Variants in SKAP1 observed in about 807,000 individuals in gnomAD.
The protein encoded by SKAP1 is src kinase-associated phosphoprotein 1.
In SKAP1, 44 loss-of-function variants were observed where a neutral mutation model predicts 58.5. The observed-to-expected ratio is 0.75, with a 90% CI of 0.59 to 0.97. The LOEUF (loss-of-function observed/expected upper bound fraction) is 0.97. Among genes scored for constraint, SKAP1 ranks in the 50% least tolerant of loss-of-function variants. The pLI, the probability that SKAP1 is intolerant of heterozygous loss-of-function variation, is 0.00. For missense variants in SKAP1, 390 were observed against 435.2 expected (o/e 0.90, Z 0.92); for synonymous variants, 127 against 149.7 (o/e 0.85, Z 1.11).
upstream of SKAP1, among the ~76,000 whole-genome samples, chr17:48,430,587 C>T (rs1447590197): frequency 6.6e-6 from 1 of 152,178 alleles, no homozygotes; most frequent in Admixed American, 6.5e-5. Context: ...AGATCCCCGT[C>T]AAGCATAGCA....
At chr17:48,272,618 C>A (rs113406753) in intron 4 of SKAP1, among the ~76,000 whole-genome samples, 121 of 152,166 alleles carry the variant, frequency 8.0e-4, no homozygotes, top group African/African-American at 2.9e-3. Context: ...TGCAGCAGTG[C>A]GATCTCAGCT....
upstream of SKAP1, among the ~76,000 whole-genome samples, chr17:48,433,436 C>G (rs2067928267): frequency 6.6e-6 from 1 of 152,208 alleles, no homozygotes; most frequent in South Asian, 2.1e-4. Context: ...CCAGCTGTCT[C>G]TGCACACAGG....
At chr17:48,230,459 C>G (rs1257848803) in intron 4 of SKAP1, among the ~76,000 whole-genome samples, 1 of 152,130 alleles carries the variant, frequency 6.6e-6, no homozygotes, top group African/African-American at 2.4e-5. Flanking sequence ...AGAAGATAAT[C>G]ATCTTGTTTT....
At chr17:48,178,795 G>A (rs541206659) in intron 9 of SKAP1, among the ~76,000 whole-genome samples, 2 of 152,114 alleles carry the variant, frequency 1.3e-5, no homozygotes, top group African/African-American at 4.8e-5. Context: ...CACAAGAAAT[G>A]GCTCGACCTC....
intron 4 of SKAP1, among the ~76,000 whole-genome samples, chr17:48,301,859 C>T (rs2066061703): frequency 6.6e-6 from 1 of 152,146 alleles, no homozygotes; most frequent in Non-Finnish European, 1.5e-5. Context: ...GCAGTAGTCT[C>T]AGTGCTACAA....
intron 1 of SKAP1, among the ~76,000 whole-genome samples, chr17:48,406,196 C>T (rs940875737): frequency 7.3e-5 from 11 of 151,614 alleles, no homozygotes; most frequent in Non-Finnish European, 1.6e-4. Context: ...ACCTGAGAGG[C>T]GGAGGTTGCA....
chr17:48,195,685 CAG>C (rs2064617150), intron 4 of SKAP1, among the ~76,000 whole-genome samples: 1 of 152,086 alleles, frequency 6.6e-6, no homozygotes, highest in Non-Finnish European at 1.5e-5. Flanking sequence ...AGCTAGGAAA[CAG>C]AACATGAGCA....
At chr17:48,258,561 A>ATATT (rs1472351621) in intron 4 of SKAP1, among the ~76,000 whole-genome samples, 1 of 152,172 alleles carries the variant, frequency 6.6e-6, no homozygotes, top group African/African-American at 2.4e-5. Flanking sequence ...GGAAACTTAA[A>ATATT]TGACTTGCAG....
At chr17:48,207,232 C>A (rs2064820880) in intron 4 of SKAP1, among the ~76,000 whole-genome samples, 1 of 152,100 alleles carries the variant, frequency 6.6e-6, no homozygotes, top group South Asian at 2.1e-4. Flanking sequence ...CGCCTGTAAT[C>A]CCAGCGCTTT....
intron 4 of SKAP1, among the ~76,000 whole-genome samples, chr17:48,273,565 C>T (rs1278391841): frequency 2.0e-5 from 3 of 151,888 alleles, no homozygotes; most frequent in Non-Finnish European, 2.9e-5. Flanking sequence ...TTAGAGGCAC[C>T]TGCCACCGCG....
intron 4 of SKAP1, among the ~76,000 whole-genome samples, chr17:48,322,476 G>A (rs2066380411): frequency 6.6e-6 from 1 of 152,106 alleles, no homozygotes; most frequent in Non-Finnish European, 1.5e-5. Context: ...AGAGTGGGCT[G>A]GATATTTATG....
At chr17:48,196,520 A>G (rs1043139585) in intron 4 of SKAP1, among the ~76,000 whole-genome samples, 12 of 152,124 alleles carry the variant, frequency 7.9e-5, no homozygotes, top group African/African-American at 2.9e-4. Flanking sequence ...TGAGCACAGT[A>G]CCCAATAATA....
At chr17:48,380,864 T>C (rs910733609) in intron 2 of SKAP1, among the ~76,000 whole-genome samples, 1 of 152,232 alleles carries the variant, frequency 6.6e-6, no homozygotes, top group Admixed American at 6.5e-5. Context: ...AATTTGTGAA[T>C]ACAGTCTTTA....
At chr17:48,162,015 G>T (rs1251582986) in intron 11 of SKAP1, among the ~76,000 whole-genome samples, 1 of 151,836 alleles carries the variant, frequency 6.6e-6, no homozygotes, top group African/African-American at 2.4e-5. Context: ...CGCCAGGCTG[G>T]AGTGCAGTGG....
intron 3 of SKAP1, among the ~76,000 whole-genome samples, chr17:48,359,642 G>A (rs1043683089): frequency 4.6e-5 from 7 of 151,980 alleles, no homozygotes; most frequent in Admixed American, 1.3e-4. Context: ...GGTCTCGCTC[G>A]GTCTCCTATG....
At chr17:48,206,468 A>G (rs181140616) in intron 4 of SKAP1, among the ~76,000 whole-genome samples, 1 of 152,178 alleles carries the variant, frequency 6.6e-6, no homozygotes, top group Non-Finnish European at 1.5e-5. Context: ...AAAAATAAAG[A>G]AATAAAATTT....
chr17:48,426,829 C>A, intron 1 of SKAP1, among the ~76,000 whole-genome samples: 1 of 149,992 alleles, frequency 6.7e-6, no homozygotes. Context: ...TTGATATTTG[C>A]CAAAAATCCA....
intron 4 of SKAP1, among the ~76,000 whole-genome samples, chr17:48,269,784 G>A (rs1056165182): frequency 6.6e-6 from 1 of 152,078 alleles, no homozygotes; most frequent in African/African-American, 2.4e-5. Context: ...GTTTAATAAA[G>A]AATTTATTTT....
intron 4 of SKAP1, among the ~76,000 whole-genome samples, chr17:48,222,167 A>C (rs2065013714): frequency 6.6e-6 from 1 of 152,202 alleles, no homozygotes; most frequent in Non-Finnish European, 1.5e-5. Context: ...GGGAACCACA[A>C]AGAGCCTAAG....
Sources: gnomAD v4.1 joint callset for allele counts (sites outside exome capture counted in the v4.1 genomes callset) on GRCh38, gnomAD v4.1.1 for gene constraint, MANE v1.5 for transcripts, NCBI Gene and HGNC (gene_info 2026-07-23, HGNC 2026-07-21) for gene names.